Variants in FRMPD4 observed in about 807,000 individuals in gnomAD.
The protein encoded by FRMPD4 is FERM and PDZ domain-containing protein 4.
A neutral mutation model predicts 94.1 loss-of-function variants in FRMPD4; 22 were observed. The ratio of observed to expected loss-of-function variants is 0.23; its 90% CI spans 0.17 to 0.33. The LOEUF (loss-of-function observed/expected upper bound fraction) is 0.33, where lower values mean the gene tolerates loss of function less well. Ranked by LOEUF, FRMPD4 falls within the 10% of genes least tolerant of loss-of-function variation. The pLI is 1.00. For synonymous variants in FRMPD4, 631 were observed against 548.6 expected (o/e 1.15, Z -2.10); for missense variants, 1,111 against 1,339.9 (o/e 0.83, Z 2.67).
At chrX:12,510,819 G>A (rs532407740) in intron 2 of FRMPD4, among the ~76,000 whole-genome samples, 47 of 112,036 alleles carry the variant, frequency 4.2e-4, no homozygotes, top group Middle Eastern at 4.6e-3. Context: ...TAGCATTTGG[G>A]CTAGTCTGGA....
chrX:12,586,140 C>G (rs150848947), intron 2 of FRMPD4, among the ~76,000 whole-genome samples: 1,138 of 112,999 alleles, frequency 0.01, 8 homozygotes, highest in African/African-American at 0.035. Flanking sequence ...CTTCACACTG[C>G]ATGCTGTGAC....
At chrX:12,701,429 G>A (rs1401185188) in intron 9 of FRMPD4, among the ~76,000 whole-genome samples, 1 of 110,828 alleles carries the variant, frequency 9.0e-6, no homozygotes, top group Non-Finnish European at 1.9e-5. Context: ...ATTTACAGAA[G>A]AGAAAACTGA....
chrX:11,906,517 G>GT (rs2053969082), intron 3 of FRMPD4, among the ~76,000 whole-genome samples: 1 of 111,450 alleles, frequency 9.0e-6, no homozygotes, highest in Non-Finnish European at 1.9e-5. Flanking sequence ...TTTTTTGTGG[G>GT]TTTTTTCATT....
At chrX:12,159,219 A>G (rs977475824) in intron 1 of FRMPD4, among the ~76,000 whole-genome samples, 1 of 112,459 alleles carries the variant, frequency 8.9e-6, no homozygotes, top group Non-Finnish European at 1.9e-5. Flanking sequence ...AGCTTCAAAG[A>G]CATGCATACA....
chrX:11,967,754 G>T (rs370157260), intron 3 of FRMPD4, among the ~76,000 whole-genome samples: 1,609 of 73,224 alleles, frequency 0.022, 65 homozygotes, highest in East Asian at 0.15. Context: ...GTGTGTGTGT[G>T]TGTTTTTTTT....
chrX:12,445,437 G>A (rs1401864847), intron 1 of FRMPD4, among the ~76,000 whole-genome samples: 1 of 112,233 alleles, frequency 8.9e-6, no homozygotes, highest in African/African-American at 3.2e-5. Flanking sequence ...AGTTCAAATA[G>A]TAGAATTAGA....
intron 2 of FRMPD4, among the ~76,000 whole-genome samples, chrX:12,580,420 T>C (rs2058852813): frequency 1.8e-5 from 2 of 112,108 alleles, no homozygotes; most frequent in Admixed American, 1.9e-4. Flanking sequence ...AAACCACAGA[T>C]AGTACTGAAA....
At chrX:12,183,132 A>G (rs777508005) in intron 1 of FRMPD4, among the ~76,000 whole-genome samples, 2 of 111,433 alleles carry the variant, frequency 1.8e-5, no homozygotes, top group African/African-American at 6.5e-5. Flanking sequence ...CTATATATAT[A>G]TATGTCAGCA....
chrX:11,963,547 T>A (rs768574702), intron 3 of FRMPD4, among the ~76,000 whole-genome samples: 2 of 112,388 alleles, frequency 1.8e-5, no homozygotes, highest in East Asian at 5.5e-4. Context: ...ATTCATCTAA[T>A]CTTTTTGAGA....
intron 3 of FRMPD4, among the ~76,000 whole-genome samples, chrX:11,953,588 A>G (rs934098588): frequency 5.3e-4 from 59 of 111,752 alleles, no homozygotes; most frequent in Non-Finnish European, 9.8e-4. Flanking sequence ...GAACTTTGCA[A>G]TAGGACGAAT....
At chrX:12,111,047 T>C (rs894294810) in intron 3 of FRMPD4, among the ~76,000 whole-genome samples, 15 of 111,738 alleles carry the variant, frequency 1.3e-4, no homozygotes, top group African/African-American at 4.2e-4. Flanking sequence ...AATGACTTTC[T>C]TCACAAAATT....
intron 9 of FRMPD4, among the ~76,000 whole-genome samples, chrX:12,694,818 T>C (rs756843010): frequency 1.1e-4 from 12 of 112,345 alleles, no homozygotes; most frequent in African/African-American, 3.9e-4. Context: ...AAAATAATTC[T>C]GGTTTACTCC....
chrX:12,510,303 T>G (rs2058029918), intron 2 of FRMPD4, among the ~76,000 whole-genome samples: 1 of 112,181 alleles, frequency 8.9e-6, no homozygotes, highest in Non-Finnish European at 1.9e-5. Flanking sequence ...CTGAATAAAA[T>G]GTGGACTTTA....
intron 1 of FRMPD4, among the ~76,000 whole-genome samples, chrX:12,482,211 G>T (rs1302540775): frequency 1.8e-5 from 2 of 110,628 alleles, no homozygotes; most frequent in African/African-American, 6.6e-5. Flanking sequence ...TATTCACAGA[G>T]CCCTGAGGAA....
At chrX:12,126,255 C>T (rs1319387222) in intron 3 of FRMPD4, among the ~76,000 whole-genome samples, 8 of 111,900 alleles carry the variant, frequency 7.1e-5, no homozygotes, top group Non-Finnish European at 9.4e-5. Flanking sequence ...TAGAGAAGGA[C>T]ATCTGTCTGC....
chrX:12,011,640 G>C (rs1249805896), intron 3 of FRMPD4, among the ~76,000 whole-genome samples: 2 of 111,806 alleles, frequency 1.8e-5, no homozygotes, highest in Admixed American at 1.9e-4. Flanking sequence ...TTTGGTAACT[G>C]TTAGTTCATT....
At chrX:11,988,734 A>G (rs2054447652) in intron 3 of FRMPD4, among the ~76,000 whole-genome samples, 1 of 112,225 alleles carries the variant, frequency 8.9e-6, no homozygotes, top group African/African-American at 3.2e-5. Context: ...AGAATACATA[A>G]GAAGCTCAAA....
chrX:12,713,002 C>T (rs749202193), intron 14 of FRMPD4, among the ~76,000 whole-genome samples: 2 of 109,961 alleles, frequency 1.8e-5, no homozygotes, highest in South Asian at 4.0e-4. Flanking sequence ...CATGCAAGCC[C>T]GGGAGGTCAA....
chrX:12,484,186 G>A (rs1290858623), intron 1 of FRMPD4, among the ~76,000 whole-genome samples: 2 of 111,975 alleles, frequency 1.8e-5, no homozygotes, highest in Non-Finnish European at 3.8e-5. Context: ...TATAAAGGAG[G>A]AAATTTTTAA....
Sources: gnomAD v4.1 joint callset for allele counts (sites outside exome capture counted in the v4.1 genomes callset) on GRCh38, gnomAD v4.1.1 for gene constraint, MANE v1.5 for transcripts, NCBI Gene and HGNC (gene_info 2026-07-23, HGNC 2026-07-21) for gene names.